ADGRB1: variants seen among roughly 807,000 people sequenced by gnomAD.
ADGRB1 encodes brain-specific angiogenesis inhibitor 1.
Under a neutral mutation model 175.7 loss-of-function variants are expected in ADGRB1, and 36 were observed. The observed-to-expected ratio is 0.20, with a 90% CI of 0.16 to 0.27. The LOEUF (loss-of-function observed/expected upper bound fraction) is 0.27, where lower values mean the gene tolerates loss of function less well. Among genes scored for constraint, ADGRB1 ranks in the 10% least tolerant of loss-of-function variants. The probability of loss-of-function intolerance (pLI) is 1.00; values close to 1 mark genes in which losing one functional copy is unlikely to be tolerated. For synonymous variants in ADGRB1, 1,054 were observed against 979.4 expected (o/e 1.08, Z -1.42); for missense variants, 1,731 against 2,255.3 (o/e 0.77, Z 4.71).
intron 30 of ADGRB1, 71 bp from the exon 31 acceptor site, chr8:142,544,148 TC>T: frequency 6.8e-7 from 1 of 1,478,780 alleles, no homozygotes; most frequent in Non-Finnish European, 9.1e-7. Flanking sequence ...GTCTGCCTCC[TC>T]CCCCCTACTC....
intron 24 of ADGRB1, among the ~76,000 whole-genome samples, chr8:142,527,849 A>G (rs866977814): frequency 3.8e-4 from 58 of 152,358 alleles, no homozygotes; most frequent in African/African-American, 1.3e-3. Context: ...TTATAGTCCC[A>G]TCTTAAAGCT....
intron 19 of ADGRB1, among the ~76,000 whole-genome samples, chr8:142,519,244 G>A (rs900195669): frequency 2.0e-5 from 3 of 152,310 alleles, no homozygotes. Context: ...TCTGCCGACA[G>A]TTTTCAAAGC....
intron 17 of ADGRB1, among the ~76,000 whole-genome samples, chr8:142,509,536 G>A (rs1842977997): frequency 6.6e-6 from 1 of 152,194 alleles, no homozygotes. Flanking sequence ...CTGACTCCTA[G>A]CCTCAGCCCC....
At chr8:142,489,909 A>G (rs551786067) in intron 16 of ADGRB1, among the ~76,000 whole-genome samples, 1 of 152,310 alleles carries the variant, frequency 6.6e-6, no homozygotes, top group African/African-American at 2.4e-5. Flanking sequence ...CCCAGCCTCC[A>G]GGCCACGGCT....
chr8:142,510,916 T>TTCCCCCCCCCCCC lies in ADGRB1; in HGVS notation c.2676-16_2676-15insTCCCCCCCCCCCC. 1.0e-6 allele frequency: 1 copy of TTCCCCCCCCCCCC among 969,738 alleles called. No homozygotes were observed. Among genetic ancestry groups the TTCCCCCCCCCCCC allele is most frequent in the Non-Finnish European group, 1.3e-6 (1 of 789,298 alleles). 60.1% of individuals were successfully genotyped at this position (969,738 alleles called of 1,614,324 possible). A position where few individuals can be genotyped will look rare whatever the true frequency, so the allele number is the denominator to read the frequency against. ...ACGCTCCGCCTGTCTCCCTCCCGTG[T>TTCCCCCCCCCCCC]CCCGCCCGCCCCCAGACCCTCCTCC... is the stretch of plus-strand genomic sequence containing the variant. On this transcript the variant is annotated splice_polypyrimidine_tract_variant and intron_variant, in intron 17 of 30. Coordinates refer to ENST00000517894, the MANE Select transcript of ADGRB1 (RefSeq NM_001702.3). The surrounding 1 kb of genome is among the most constrained non-coding windows in gnomAD (Gnocchi z 6.3).
rs914000952 is a variant in ADGRB1, at chr8:142,488,253, C to T, written c.2309-111C>T. 63 of 1,436,046 alleles carry T rather than the reference C, an allele frequency of 4.4e-5. 1 individual carries two copies. In the East Asian group the frequency reaches 7.3e-4, roughly 17 times the overall value. The allele number at this position is 1,436,046 out of a possible 1,614,324, so 89.0% of individuals were successfully genotyped here. Reference sequence around the variant, plus strand: ...CTGCCTCTGAGCCATGGGCACCCCGCGGCATCAGCCTGCACTGCCAGGCCT... The same window carrying T: ...CTGCCTCTGAGCCATGGGCACCCCGTGGCATCAGCCTGCACTGCCAGGCCT... On this transcript the variant is annotated intron_variant, in intron 13 of 30. Coordinates refer to ENST00000517894, the MANE Select transcript of ADGRB1 (RefSeq NM_001702.3).
chr8:142,451,825 T>G (rs1279848065), intron 1 of ADGRB1, among the ~76,000 whole-genome samples: 1 of 152,130 alleles, frequency 6.6e-6, no homozygotes. Flanking sequence ...CCCTCATGCC[T>G]TCCACTCGTC....
At chr8:142,477,059 G>A (rs950600391) in intron 4 of ADGRB1, 55 bp from the exon 5 acceptor site, 1 of 1,459,518 alleles carries the variant, frequency 6.9e-7, no homozygotes, top group Non-Finnish European at 9.0e-7. Context: ...TCTGGCCCCG[G>A]TCTGACTGCA....
intron 25 of ADGRB1, among the ~76,000 whole-genome samples, chr8:142,534,954 C>T (rs769637196): frequency 2.6e-5 from 4 of 152,170 alleles, no homozygotes; most frequent in Non-Finnish European, 5.9e-5. Flanking sequence ...ATCACCATGG[C>T]TGGGATTTGA....
rs897460855 is a variant in ADGRB1 at position 142,542,885 on chromosome 8, C to A, written c.4413+238C>A. 2.0e-5 allele frequency among the ~76,000 whole-genome samples: 3 copies of A among 152,234 alleles called. No homozygotes were observed. Among genetic ancestry groups the A allele is most frequent in the Non-Finnish European group, 4.4e-5 (3 of 68,026 alleles). On this transcript the variant is annotated intron_variant, in intron 28 of 30. Transcript: ENST00000517894. The surrounding 1 kb of genome is among the most constrained non-coding windows in gnomAD (Gnocchi z 6.3). ...TCAAAGGGGCTCAGGGACCCACAGT[C>A]TGGACCCACGGAGCAGGACCTGCAC...
chr8:142,455,738 G>A lies in ADGRB1; in HGVS notation c.-220+5634G>A, dbSNP rs1055911660. 2.0e-5 allele frequency among the ~76,000 whole-genome samples: 3 copies of A among 152,244 alleles called. No individual in the cohort carries two copies. The highest frequency in any genetic ancestry group is 7.2e-5 in the African/African-American group (3 of 41,468). On this transcript the variant is annotated intron_variant, in intron 1 of 30. Coordinates refer to ENST00000517894, the MANE Select transcript of ADGRB1 (RefSeq NM_001702.3). This position sits in a 1 kb window ranked among gnomAD's most constrained non-coding sequence, Gnocchi z 4.9. ...TCTTTGAAGTAAGAAACGCAGAGGA[G>A]CGGCCAGGAGGCTGAGAAGATGGTG...
At chr8:142,463,494 G>T (rs1036536621) in intron 1 of ADGRB1, among the ~76,000 whole-genome samples, 11 of 152,268 alleles carry the variant, frequency 7.2e-5, no homozygotes, top group Admixed American at 6.5e-5. Context: ...TTCCCACGGG[G>T]TTTGCAGAAT....
intron 2 of ADGRB1, among the ~76,000 whole-genome samples, chr8:142,468,209 CGT>C (rs373888504): frequency 0.027 from 4,021 of 150,014 alleles, 151 homozygotes; most frequent in African/African-American, 0.089. Context: ...AGTGTGGGTG[CGT>C]GTGTGTGTGT....
At chr8:142,521,831 C>A (rs1843868419) in intron 20 of ADGRB1, 134 bp from the exon 21 acceptor site, 3 of 1,024,296 alleles carry the variant, frequency 2.9e-6, no homozygotes, top group Non-Finnish European at 4.2e-6. Flanking sequence ...GGATTGCCTT[C>A]TGCCTGGGGA....
rs752339864 is a variant in ADGRB1, at chr8:142,481,368, C to T, written c.1935+8C>T. ...AGAAACATCCAGATGATGGTGAGGG[C>T]CAGTTCCCGGGGGTCTCCAACCCCT... On this transcript the variant is annotated splice_region_variant and intron_variant, in intron 10 of 30. Transcript: ENST00000517894. 1.9e-6 allele frequency: 3 copies of T among 1,613,184 alleles called. No individual in the cohort carries two copies. The African/African-American group carries it at 4.0e-5, about 22-fold the overall frequency.
intron 2 of ADGRB1, among the ~76,000 whole-genome samples, chr8:142,469,101 G>A (rs1369054656): frequency 1.3e-5 from 2 of 152,266 alleles, no homozygotes; most frequent in East Asian, 1.9e-4. Flanking sequence ...ACACTAGGGC[G>A]TCTGCAGTGA....
chr8:142,525,875 G>A (rs1269758759), intron 23 of ADGRB1, among the ~76,000 whole-genome samples: 2 of 152,148 alleles, frequency 1.3e-5, no homozygotes, highest in Non-Finnish European at 2.9e-5. Context: ...TTGGGGAGCA[G>A]AGAGTATGGC....
chr8:142,535,403 AAGCCCCCAGTGAGCTCCC>A (rs1395042129), intron 25 of ADGRB1, among the ~76,000 whole-genome samples: 4 of 152,060 alleles, frequency 2.6e-5, no homozygotes, highest in Non-Finnish European at 4.4e-5. Context: ...GACTTCCCCG[AAGCCCCCAGTGAGCTCCC>A]AGCCCCTGTG....
intron 2 of ADGRB1, among the ~76,000 whole-genome samples, chr8:142,466,174 G>A (rs1047323709): frequency 9.9e-5 from 15 of 152,180 alleles, no homozygotes; most frequent in Non-Finnish European, 2.2e-4. Context: ...TACATCGGGT[G>A]TTCGGGGGTG....
Sources: allele counts gnomAD v4.1 joint callset (sites outside exome capture counted in the v4.1 genomes callset), GRCh38; gene constraint gnomAD v4.1.1; non-coding constraint Gnocchi (gnomAD v3.1); transcripts MANE v1.5; gene names NCBI Gene and HGNC (gene_info 2026-07-23, HGNC 2026-07-21).